ABL1: variants seen among roughly 807,000 people sequenced by gnomAD.
ABL1 encodes the protein ABL proto-oncogene 1, non-receptor tyrosine kinase, also known as tyrosine-protein kinase ABL1.
A neutral mutation model predicts 94.7 loss-of-function variants in ABL1; 11 were observed. The observed-to-expected ratio is 0.12, with a 90% CI of 0.07 to 0.19. The LOEUF (loss-of-function observed/expected upper bound fraction) is 0.19. Among genes scored for constraint, ABL1 ranks in the 10% least tolerant of loss-of-function variants. The probability of loss-of-function intolerance (pLI) is 1.00; values close to 1 mark genes in which losing one functional copy is unlikely to be tolerated. For synonymous variants in ABL1, 656 were observed against 622.4 expected (o/e 1.05, Z -0.80); for missense variants, 1,082 against 1,489.4 (o/e 0.73, Z 4.50).
intron 1 of ABL1, among the ~76,000 whole-genome samples, chr9:130,786,549 C>T (rs1322707947): frequency 2.0e-5 from 3 of 152,204 alleles, no homozygotes; most frequent in South Asian, 2.1e-4. Flanking sequence ...CTGACTGGTA[C>T]ATCACCTCTT....
chr9:130,872,689 CCCT>C lies in ABL1; in HGVS notation c.908-168_908-166del, dbSNP rs1831273915. 1.3e-5 allele frequency among the ~76,000 whole-genome samples: 2 copies of C among 152,168 alleles called. No homozygotes were observed. Among genetic ancestry groups the C allele is most frequent in the Admixed American group, 1.3e-4 (2 of 15,282 alleles). ...GAAGAAGAAAAGAGCCTGGCCATGT[CCCT>C]CCCACACGAGCACAGTCTCAGGATG... On this transcript the variant is annotated intron_variant, in intron 5 of 10. Coordinates refer to ENST00000318560, the MANE Select transcript of ABL1 (RefSeq NM_005157.6). This position sits in a 1 kb window ranked among gnomAD's most constrained non-coding sequence, Gnocchi z 5.0.
chr9:130,789,028 A>T (rs1276017580), intron 1 of ABL1, among the ~76,000 whole-genome samples: 2 of 151,920 alleles, frequency 1.3e-5, no homozygotes, highest in African/African-American at 4.8e-5. Flanking sequence ...ATTTCCTGAA[A>T]CCTCTTGCAT....
chr9:130,779,817 G>A (rs1276898641), intron 1 of ABL1, among the ~76,000 whole-genome samples: 1 of 152,170 alleles, frequency 6.6e-6, no homozygotes, highest in East Asian at 1.9e-4. Context: ...GAAATATGGT[G>A]AAGTTGCATC....
chr9:130,767,162 A>G (rs1467106395), intron 1 of ABL1, among the ~76,000 whole-genome samples: 1 of 152,184 alleles, frequency 6.6e-6, no homozygotes, highest in Admixed American at 6.5e-5. Context: ...CACAGTACCC[A>G]CACCAGCATC....
At position 130,740,366 on chromosome 9, in the gene ABL1, G is replaced by T. The variant is rs77313434; in HGVS notation, c.136+25911G>T. Among the ~76,000 whole-genome samples the T allele has an allele frequency of 8.3e-3, 1,266 of 152,332 alleles. 27 individuals carry two copies. Among genetic ancestry groups the T allele is most frequent in the African/African-American group, 0.03 (1,232 of 41,556 alleles). On this transcript the variant is annotated intron_variant, in intron 1 of 10. Coordinates refer to the ABL1 transcript ENST00000372348. The stretch of plus-strand genomic sequence containing the variant: ...TGTTCCTCTCCTGGAGAGCCGCTGG[G>T]CGGCAATTGTCATGCTAGGAGGAGG...
At position 130,862,403 on chromosome 9, in the gene ABL1, G is replaced by A. The variant is rs181498065; in HGVS notation, c.550-360G>A. 6.9e-4 allele frequency among the ~76,000 whole-genome samples: 105 copies of A among 152,236 alleles called. 1 individual carries two copies. In the East Asian group the frequency reaches 0.015, roughly 21 times the overall value. ...GACAGGTGGTAGGATGACCCGTGCC[G>A]TGTGATGACTTTAGATTGGGTGGTT... On this transcript the variant is annotated intron_variant, in intron 3 of 10. Coordinates refer to ENST00000318560, the MANE Select transcript of ABL1 (RefSeq NM_005157.6). The surrounding 1 kb of genome is among the most constrained non-coding windows in gnomAD (Gnocchi z 5.5).
At chr9:130,835,143 T>G (rs1329100406), upstream of ABL1, 4 of 223,488 alleles carry the variant, frequency 1.8e-5, no homozygotes, top group Non-Finnish European at 1.8e-5. The surrounding 1 kb of genome is among the most constrained non-coding windows in gnomAD (Gnocchi z 4.6). Flanking sequence ...GGGCTCGGCC[T>G]CGGGAACGCC....
intron 10 of ABL1, among the ~76,000 whole-genome samples, chr9:130,883,582 C>T (rs1242235268): frequency 6.6e-6 from 1 of 152,240 alleles, no homozygotes; most frequent in African/African-American, 2.4e-5. Context: ...CTCTTCATCC[C>T]TGCACTGGTT....
chr9:130,780,668 A>G (rs1274905468), intron 1 of ABL1, among the ~76,000 whole-genome samples: 1 of 152,166 alleles, frequency 6.6e-6, no homozygotes, highest in Non-Finnish European at 1.5e-5. Flanking sequence ...GATAAAAAAA[A>G]GTTGAGAGGA....
At position 130,887,325 on chromosome 9, in the gene ABL1, G is replaced by A. The variant is rs1831603612; in HGVS notation, c.*1642G>A. On this transcript the variant is annotated 3_prime_UTR_variant, in exon 11 of 11. Coordinates refer to ENST00000318560, the MANE Select transcript of ABL1 (RefSeq NM_005157.6). ...CCTCTTTGCCCCCGACGGCTGTGACGCAGCCGGAGGGAGGCACTAGTCACC... is the reference window on the plus strand; with the variant it reads ...CCTCTTTGCCCCCGACGGCTGTGACACAGCCGGAGGGAGGCACTAGTCACC... The A allele has an allele frequency of 4.3e-6, 1 of 233,256 alleles. No individual in the cohort carries two copies. 14.4% of individuals were successfully genotyped at this position (233,256 alleles called of 1,614,324 possible). A position where few individuals can be genotyped will look rare whatever the true frequency, so the allele number is the denominator to read the frequency against.
At chr9:130,782,582 C>T (rs762133880) in intron 1 of ABL1, among the ~76,000 whole-genome samples, 19 of 152,194 alleles carry the variant, frequency 1.2e-4, no homozygotes, top group Non-Finnish European at 5.9e-5. Context: ...GAAGCTTTGG[C>T]TCCCACACCT....
At chr9:130,798,464 G>A (rs903779116) in intron 1 of ABL1, among the ~76,000 whole-genome samples, 2 of 152,198 alleles carry the variant, frequency 1.3e-5, no homozygotes, top group African/African-American at 4.8e-5. Flanking sequence ...TACTGAGATA[G>A]TGGGAGTGCA....
Position 130,859,692 on chromosome 9 carries a change from T to C in ABL1, c.550-3071T>C, listed in dbSNP as rs1411396841. On this transcript the variant is annotated intron_variant, in intron 3 of 10. Coordinates refer to ENST00000318560, the MANE Select transcript of ABL1 (RefSeq NM_005157.6). ...TCTTTCTTTCCTTTTTTTTTTTTTT[T>C]TTTTTTTTTTTTTTGAGACAGGCTG... Among the ~76,000 whole-genome samples, 194 of 124,996 alleles carry C rather than the reference T, an allele frequency of 1.6e-3. 5 individuals are homozygous for C. The highest frequency in any genetic ancestry group is 6.3e-3 in the African/African-American group (187 of 29,734). The allele number at this position is 124,996 out of a possible 152,430, so 82.0% of individuals were successfully genotyped here.
intron 1 of ABL1, among the ~76,000 whole-genome samples, chr9:130,792,384 AG>A (rs1829921654): frequency 6.6e-6 from 1 of 152,320 alleles, no homozygotes; most frequent in Admixed American, 6.5e-5. Context: ...CAGTGTTGCC[AG>A]GGACAGGATG....
At chr9:130,866,249 A>G (rs1409091519) in intron 4 of ABL1, among the ~76,000 whole-genome samples, 2 of 152,196 alleles carry the variant, frequency 1.3e-5, no homozygotes, top group Non-Finnish European at 2.9e-5. Flanking sequence ...TGGGGCACTC[A>G]GCTCCAAAGC....
intron 1 of ABL1, among the ~76,000 whole-genome samples, chr9:130,807,814 C>T (rs1830148625): frequency 6.7e-6 from 1 of 149,882 alleles, no homozygotes; most frequent in African/African-American, 2.4e-5. Flanking sequence ...TCTCCTGCCT[C>T]AGCCTCCCGA....
At position 130,880,447 on chromosome 9, in the gene ABL1, C is replaced by T; in HGVS notation, c.1514-53C>T. On this transcript the variant is annotated intron_variant, in intron 9 of 10. Transcript: ENST00000318560. The surrounding 1 kb of genome is among the most constrained non-coding windows in gnomAD (Gnocchi z 4.4). Reference sequence around the variant, plus strand: ...AAAGAGAACCACCACACCAAGCCAACACCAGTACTGATGGCTGCTGGATTT... The same window carrying T: ...AAAGAGAACCACCACACCAAGCCAATACCAGTACTGATGGCTGCTGGATTT... 1 of 1,602,734 alleles carries T rather than the reference C, an allele frequency of 6.2e-7. No homozygotes were observed. Among genetic ancestry groups the T allele is most frequent in the Non-Finnish European group, 8.5e-7 (1 of 1,171,720 alleles).
intron 1 of ABL1, among the ~76,000 whole-genome samples, chr9:130,718,458 A>G (rs1023912317): frequency 1.3e-5 from 2 of 152,214 alleles, no homozygotes; most frequent in African/African-American, 4.8e-5. Flanking sequence ...TTGTTTTTAA[A>G]TGAATAATTA....
chr9:130,840,459 A>G (rs1830654371), intron 1 of ABL1, among the ~76,000 whole-genome samples: 1 of 152,190 alleles, frequency 6.6e-6, no homozygotes. Context: ...AAATCAAGTC[A>G]TTGTAATTGT....
Sources: gnomAD v4.1 joint callset for allele counts (sites outside exome capture counted in the v4.1 genomes callset) on GRCh38, gnomAD v4.1.1 for gene constraint, Gnocchi (gnomAD v3.1) non-coding constraint, MANE v1.5 for transcripts, NCBI Gene and HGNC (gene_info 2026-07-23, HGNC 2026-07-21) for gene names.